The following SKP2 variants were observed in gnomAD, a reference collection of about 807,000 sequenced individuals.
The protein encoded by SKP2 is S-phase kinase-associated protein 2.
A neutral mutation model predicts 51.8 loss-of-function variants in SKP2; 16 were observed. The ratio of observed to expected loss-of-function variants is 0.31; its 90% CI spans 0.21 to 0.47. The LOEUF (loss-of-function observed/expected upper bound fraction) is 0.47, where lower values mean the gene tolerates loss of function less well. Among genes scored for constraint, SKP2 ranks in the 20% least tolerant of loss-of-function variants. The pLI is 1.00. For missense variants in SKP2, 377 were observed against 505.3 expected, an observed-to-expected ratio of 0.75 and a Z score of 2.43; for synonymous variants, 176 against 198.6, an observed-to-expected ratio of 0.89 and a Z score of 0.96.
intron 3 of SKP2, among the ~76,000 whole-genome samples, chr5:36,165,937 CAT>C (rs1160503833): frequency 1.3e-5 from 2 of 152,166 alleles, no homozygotes; most frequent in South Asian, 2.1e-4. Context: ...CATACACACA[CAT>C]ATGTACACAT....
Position 36,183,131 on chromosome 5 carries a change from C to T in SKP2, c.*1100C>T. ...ATACAGTAGAAGCAGGTATATCTTCCATGCAGTTTCAGTAGTAAGCACTAC... is the reference window on the plus strand; with the variant it reads ...ATACAGTAGAAGCAGGTATATCTTCTATGCAGTTTCAGTAGTAAGCACTAC... On this transcript the variant is annotated 3_prime_UTR_variant, in exon 10 of 10. Transcript: ENST00000274255. 2 of 983,226 alleles carry T rather than the reference C, an allele frequency of 2.0e-6. No individual in the cohort carries two copies. The highest frequency in any genetic ancestry group is 2.4e-6 in the Non-Finnish European group (2 of 827,992). The allele number at this position is 983,226 out of a possible 1,614,324, so 60.9% of individuals were successfully genotyped here.
intron 2 of SKP2, among the ~76,000 whole-genome samples, chr5:36,154,301 C>T (rs1744869030): frequency 6.6e-6 from 1 of 151,992 alleles, no homozygotes; most frequent in Non-Finnish European, 1.5e-5. Context: ...GAGCTCCAAG[C>T]AGAAGGAACA....
In SKP2 at chr5:36,152,149, T is replaced by G; in HGVS notation, c.-114T>G. The G allele has an allele frequency of 4.5e-6, 5 of 1,104,244 alleles. No individual in the cohort carries two copies. Among genetic ancestry groups the G allele is most frequent in the African/African-American group, 3.1e-5 (2 of 65,256 alleles). 68.4% of individuals were successfully genotyped at this position (1,104,244 alleles called of 1,614,324 possible). ...CGTTGCTAGGCTTAGCGGGTCTGGC[T>G]GCTGGGGGCCCGAGCAGCACGCTCG... On this transcript the variant is annotated 5_prime_UTR_variant, in exon 1 of 10. Transcript: ENST00000274255.
chr5:36,154,005 G>C (rs1344637818), intron 2 of SKP2, among the ~76,000 whole-genome samples: 1 of 152,222 alleles, frequency 6.6e-6, no homozygotes, highest in African/African-American at 2.4e-5. Flanking sequence ...AGGTGCTGGA[G>C]ATAGAGGAGT....
intron 7 of SKP2, among the ~76,000 whole-genome samples, chr5:36,173,533 A>G (rs1003267473): frequency 7.2e-5 from 11 of 152,166 alleles, no homozygotes; most frequent in African/African-American, 2.7e-4. Flanking sequence ...TGGTTTACTG[A>G]AAGATTTTCT....
chr5:36,154,683 C>A (rs1451456204), intron 2 of SKP2, among the ~76,000 whole-genome samples: 1 of 152,168 alleles, frequency 6.6e-6, no homozygotes, highest in African/African-American at 2.4e-5. Flanking sequence ...CATGCACCAC[C>A]ACGCCCAGCA....
chr5:36,157,228 G>A (rs4440390), intron 2 of SKP2, among the ~76,000 whole-genome samples: 105,777 of 152,016 alleles, frequency 0.7, 40,970 homozygotes, highest in Non-Finnish European at 0.87. Flanking sequence ...CTCAAGCACC[G>A]TTTTAGAGGT....
chr5:36,186,129 C>T (rs182937132), downstream of SKP2, among the ~76,000 whole-genome samples: 1,857 of 152,294 alleles, frequency 0.012, 157 homozygotes, highest in East Asian at 0.21. Context: ...GCTGAAGTTG[C>T]TTATCAGCTT....
Position 36,182,893 on chromosome 5 carries a change from A to C in SKP2, c.*862A>C. 2.0e-6 allele frequency: 2 copies of C among 984,984 alleles called. No individual in the cohort carries two copies. The highest frequency in any genetic ancestry group is 2.4e-6 in the Non-Finnish European group (2 of 829,568). 61.0% of individuals were successfully genotyped at this position (984,984 alleles called of 1,614,324 possible). A position where few individuals can be genotyped will look rare whatever the true frequency, so the allele number is the denominator to read the frequency against. The stretch of plus-strand genomic sequence containing the variant: ...TATTAATCCACTCTCTATTCTTGAA[A>C]ATTTGGATGGGAGAATTCTGAAGTT... On this transcript the variant is annotated 3_prime_UTR_variant, in exon 10 of 10. Coordinates refer to ENST00000274255, the MANE Select transcript of SKP2 (RefSeq NM_005983.4).
chr5:36,192,322 T>C (rs1362159624), intron 6 of SKP2, among the ~76,000 whole-genome samples: 1 of 152,194 alleles, frequency 6.6e-6, no homozygotes, highest in Non-Finnish European at 1.5e-5. Flanking sequence ...ACCATTATAT[T>C]TAGGTGTTGC....
chr5:36,172,904 C>T (rs1745518984), intron 7 of SKP2, among the ~76,000 whole-genome samples: 2 of 152,158 alleles, frequency 1.3e-5, no homozygotes, highest in South Asian at 2.1e-4. Context: ...ACCACTCTCC[C>T]CACCCAGTAT....
intron 9 of SKP2, 48 bp downstream of exon 9, chr5:36,177,340 G>C: frequency 9.1e-7 from 1 of 1,104,770 alleles, no homozygotes; most frequent in Non-Finnish European, 1.4e-6. Context: ...GGAAACAACA[G>C]AGATGCCCCT....
At chr5:36,192,723 T>C (rs932420897) in intron 7 of SKP2, 2 of 152,248 alleles carry the variant, frequency 1.3e-5, no homozygotes, top group Non-Finnish European at 2.9e-5. Flanking sequence ...ATTTAATAAC[T>C]AATCATTCTA....
intron 2 of SKP2, among the ~76,000 whole-genome samples, chr5:36,156,924 C>CTT (rs561524146): frequency 1.4e-5 from 2 of 147,846 alleles, no homozygotes; most frequent in African/African-American, 4.9e-5. Flanking sequence ...TTTTTTCCAA[C>CTT]TTTTTTTTTT....
chr5:36,183,814 A>C lies in SKP2; in HGVS notation c.*1783A>C. The C allele has an allele frequency of 1.9e-6, 3 of 1,567,492 alleles. No individual in the cohort carries two copies. In the South Asian group the frequency reaches 3.6e-5, roughly 19 times the overall value. The stretch of plus-strand genomic sequence containing the variant: ...TTTCTTAATAGTTAAAAAGTGCTAA[A>C]TACTACTTGAAATTATTGTTTACAG... On this transcript the variant is annotated 3_prime_UTR_variant, in exon 10 of 10. Transcript: ENST00000274255.
chr5:36,190,718 A>G (rs1050369374), intron 6 of SKP2, among the ~76,000 whole-genome samples: 2 of 144,494 alleles, frequency 1.4e-5, no homozygotes, highest in Non-Finnish European at 3.0e-5. Context: ...AATATGATGG[A>G]CCCCATCTTC....
chr5:36,189,384 A>T (rs1392618469), intron 6 of SKP2, among the ~76,000 whole-genome samples: 1 of 152,050 alleles, frequency 6.6e-6, no homozygotes, highest in African/African-American at 2.4e-5. Flanking sequence ...GATGATGGTG[A>T]CGTACAGATG....
chr5:36,183,928 C>A lies in SKP2; in HGVS notation c.*1897C>A. On this transcript the variant is annotated 3_prime_UTR_variant, in exon 10 of 10. Transcript: ENST00000274255. The stretch of plus-strand genomic sequence containing the variant: ...CAGAACTTCCAAACTCAAGTCCAGC[C>A]ATAAGCTATTTTGCCAACATGTCAG... 6.2e-6 allele frequency: 10 copies of A among 1,611,370 alleles called. No individual in the cohort carries two copies. The highest frequency in any genetic ancestry group is 8.5e-6 in the Non-Finnish European group (10 of 1,179,510).
In SKP2 at chr5:36,183,393, A is replaced by T. The variant is rs1205764082; in HGVS notation, c.*1362A>T. 4.3e-6 allele frequency: 1 copy of T among 232,954 alleles called. No individual in the cohort carries two copies. The highest frequency in any genetic ancestry group is 7.0e-6 in the Non-Finnish European group (1 of 142,924). 14.4% of individuals were successfully genotyped at this position (232,954 alleles called of 1,614,324 possible). ...GTCATTCTCCTGCCTCAGCCTCCCG[A>T]CTAGCTGGGACTACAGGCGCCCACC... On this transcript the variant is annotated 3_prime_UTR_variant, in exon 10 of 10. Transcript: ENST00000274255.
Sources: allele counts gnomAD v4.1 joint callset (sites outside exome capture counted in the v4.1 genomes callset), GRCh38; gene constraint gnomAD v4.1.1; transcripts MANE v1.5; gene names NCBI Gene and HGNC (gene_info 2026-07-23, HGNC 2026-07-21).